The following ERC1 variants were observed in gnomAD, a reference collection of about 807,000 sequenced individuals.
ERC1 encodes ELKS/RAB6-interacting/CAST family member 1, also known as RAB6 interacting protein 2.
A neutral mutation model predicts 132.0 loss-of-function variants in ERC1; 56 were observed. That is an observed-to-expected ratio of 0.42 (90% CI 0.34 to 0.53). The LOEUF (loss-of-function observed/expected upper bound fraction) is 0.53, where lower values mean the gene tolerates loss of function less well. Among genes scored for constraint, ERC1 ranks in the 20% least tolerant of loss-of-function variants. The probability of loss-of-function intolerance (pLI) is 0.03; values close to 1 mark genes in which losing one functional copy is unlikely to be tolerated. For synonymous variants in ERC1, 478 were observed against 476.1 expected (o/e 1.00, Z -0.05); for missense variants, 1,202 against 1,349.9 (o/e 0.89, Z 1.72).
intron 15 of ERC1, among the ~76,000 whole-genome samples, chr12:1,309,177 C>G (rs1191388633): frequency 2.0e-5 from 3 of 151,466 alleles, no homozygotes; most frequent in Non-Finnish European, 4.4e-5. Flanking sequence ...CTTGAATAGA[C>G]TAAGATACAC....
At chr12:1,343,202 T>G (rs2084090274) in intron 15 of ERC1, among the ~76,000 whole-genome samples, 1 of 152,334 alleles carries the variant, frequency 6.6e-6, no homozygotes, top group East Asian at 1.9e-4. Flanking sequence ...CAGAGCCCTG[T>G]GCAAACAGGC....
chr12:994,159 G>A (rs1016384250), intron 1 of ERC1, among the ~76,000 whole-genome samples: 5 of 150,208 alleles, frequency 3.3e-5, no homozygotes, highest in Non-Finnish European at 7.4e-5. Flanking sequence ...AAGTATGAGA[G>A]TTGTTAAATG....
chr12:1,311,717 T>G (rs2081319759), intron 15 of ERC1, among the ~76,000 whole-genome samples: 1 of 152,238 alleles, frequency 6.6e-6, no homozygotes, highest in Non-Finnish European at 1.5e-5. Context: ...GCAAGCACTA[T>G]TCTATTGATT....
intron 17 of ERC1, among the ~76,000 whole-genome samples, chr12:1,434,940 C>T (rs182743752): frequency 3.3e-5 from 5 of 152,256 alleles, no homozygotes; most frequent in Admixed American, 1.3e-4. Flanking sequence ...CACGGCTTAA[C>T]GTTTCGAGAG....
At chr12:1,245,591 G>C (rs1301727297) in intron 13 of ERC1, among the ~76,000 whole-genome samples, 3 of 152,180 alleles carry the variant, frequency 2.0e-5, no homozygotes, top group Non-Finnish European at 2.9e-5. Context: ...TTGGCAGAAA[G>C]TGAGTTTAGA....
intron 18 of ERC1, among the ~76,000 whole-genome samples, chr12:1,471,082 C>A (rs1176889778): frequency 6.6e-6 from 1 of 152,154 alleles, no homozygotes; most frequent in Non-Finnish European, 1.5e-5. Context: ...AACTCCCGTG[C>A]TATTCAGCTC....
At chr12:1,179,952 A>C (rs1399583673) in intron 8 of ERC1, among the ~76,000 whole-genome samples, 1 of 152,248 alleles carries the variant, frequency 6.6e-6, no homozygotes, top group Non-Finnish European at 1.5e-5. Flanking sequence ...AAGTAAATGA[A>C]TGCATATAAG....
At chr12:1,055,625 C>T (rs1310056542) in intron 2 of ERC1, among the ~76,000 whole-genome samples, 10 of 152,126 alleles carry the variant, frequency 6.6e-5, no homozygotes, top group African/African-American at 2.4e-4. Context: ...AGGGGAAATA[C>T]ATGTATATAT....
At chr12:1,300,753 T>C (rs1028292570) in intron 15 of ERC1, among the ~76,000 whole-genome samples, 1 of 152,098 alleles carries the variant, frequency 6.6e-6, no homozygotes, top group Admixed American at 6.6e-5. Context: ...CACAATGAGA[T>C]ACCATCTCAT....
chr12:1,169,172 G>C (rs1340148787), intron 8 of ERC1, among the ~76,000 whole-genome samples: 1 of 152,224 alleles, frequency 6.6e-6, no homozygotes, highest in Non-Finnish European at 1.5e-5. Context: ...ACTAGAAAGA[G>C]TGTAGCTGTT....
intron 15 of ERC1, among the ~76,000 whole-genome samples, chr12:1,304,040 C>T (rs924193415): frequency 6.6e-6 from 1 of 150,704 alleles, no homozygotes; most frequent in Non-Finnish European, 1.5e-5. Flanking sequence ...GATGAAGTCT[C>T]TGGATTCCTG....
chr12:1,138,238 A>T (rs1463222763), intron 7 of ERC1, among the ~76,000 whole-genome samples: 8 of 128,744 alleles, frequency 6.2e-5, no homozygotes, highest in African/African-American at 2.4e-4. Context: ...TGTATAATAT[A>T]ATTACAATAT....
intron 2 of ERC1, among the ~76,000 whole-genome samples, chr12:1,082,484 ATTT>A (rs143154890): frequency 1.0e-3 from 116 of 113,676 alleles, no homozygotes; most frequent in African/African-American, 2.5e-3. Context: ...AAAAAAAAAA[ATTT>A]TTTTTTTTTT....
In ERC1 at chr12:1,129,552, G is replaced by GA. The variant is rs139685345; in HGVS notation, c.1570-12062dup. ...AAAAAAGAAAACAACCTGCTGGGGA[G>GA]AAAAAATACATTACGTGTAAAGGAT... On this transcript the variant is annotated intron_variant, in intron 7 of 18. Transcript: ENST00000360905. Among the ~76,000 whole-genome samples, 989 of 152,162 alleles carry GA rather than the reference G, an allele frequency of 6.5e-3. 20 individuals are homozygous for GA. In the East Asian group the frequency reaches 0.078, roughly 12 times the overall value.
chr12:1,316,451 C>T (rs568949313), intron 15 of ERC1, among the ~76,000 whole-genome samples: 164 of 151,938 alleles, frequency 1.1e-3, no homozygotes, highest in Non-Finnish European at 1.2e-3. Flanking sequence ...TCCAGCTATT[C>T]TTGATATTTT....
chr12:1,458,156 G>A (rs116173574), intron 18 of ERC1, among the ~76,000 whole-genome samples: 2,706 of 152,318 alleles, frequency 0.018, 87 homozygotes, highest in African/African-American at 0.062. Context: ...GTCATGCTGA[G>A]ACCAAGAAGC....
rs1163763716 is a variant in ERC1, at chr12:1,230,099, C to T, written c.2352-6670C>T. Among the ~76,000 whole-genome samples the T allele has an allele frequency of 3.3e-5, 5 of 150,926 alleles. 1 individual carries two copies. Among genetic ancestry groups the T allele is most frequent in the East Asian group, 3.9e-4 (2 of 5,158 alleles). On this transcript the variant is annotated intron_variant, in intron 12 of 18. Coordinates refer to ENST00000360905, the MANE Select transcript of ERC1 (RefSeq NM_178040.4). ...TTGGCTCACTGCAACCACCGCCTCC[C>T]GGGTTCAAGCGATTCTCCTGCCTCA...
At chr12:1,403,429 A>G (rs2091238180) in intron 16 of ERC1, among the ~76,000 whole-genome samples, 1 of 152,228 alleles carries the variant, frequency 6.6e-6, no homozygotes, top group Non-Finnish European at 1.5e-5. Flanking sequence ...GCACAGAGTC[A>G]TTTATATGAT....
intron 12 of ERC1, among the ~76,000 whole-genome samples, chr12:1,236,073 ATAAT>A (rs1415313419): frequency 2.0e-5 from 3 of 152,208 alleles, no homozygotes; most frequent in Non-Finnish European, 2.9e-5. Context: ...AGAAAAATGA[ATAAT>A]TATTTATCTT....
Sources: allele counts gnomAD v4.1 joint callset (sites outside exome capture counted in the v4.1 genomes callset), GRCh38; gene constraint gnomAD v4.1.1; transcripts MANE v1.5; gene names NCBI Gene and HGNC (gene_info 2026-07-23, HGNC 2026-07-21).